The following TSR1 variants were observed in gnomAD, a reference collection of about 807,000 sequenced individuals.
TSR1 encodes the protein pre-rRNA-processing protein TSR1 homolog.
In TSR1, 81 loss-of-function variants were observed where a neutral mutation model predicts 90.9. That is an observed-to-expected ratio of 0.89 (90% CI 0.74 to 1.07). The LOEUF is 1.07. Among genes scored for constraint, TSR1 ranks in the 50% least tolerant of loss-of-function variants. The probability of loss-of-function intolerance (pLI) is 0.00; values close to 1 mark genes in which losing one functional copy is unlikely to be tolerated. For synonymous variants in TSR1, 362 were observed against 348.8 expected (o/e 1.04, Z -0.42); for missense variants, 989 against 987.3 (o/e 1.00, Z -0.02).
rs779742694 is a variant in TSR1, at chr17:2,333,128, T to G, written c.1142-4A>C. 30 of 1,613,074 alleles carry G rather than the reference T, an allele frequency of 1.9e-5. No homozygotes were observed. In the East Asian group the frequency reaches 6.7e-4, roughly 36 times the overall value. On this transcript the variant is annotated splice_region_variant and splice_polypyrimidine_tract_variant and intron_variant, in intron 6 of 14. Coordinates refer to ENST00000301364, the MANE Select transcript of TSR1 (RefSeq NM_018128.5). ...TTAGAACTTTCCTTCAAGAAATCTG[T>G]AAAAGCCCAAACAAATTAAGTAAAT...
At position 2,330,525 on chromosome 17, in the gene TSR1, T is replaced by A; in HGVS notation, c.1760A>T (p.His587Leu). The A allele has an allele frequency of 6.2e-7, 1 of 1,612,828 alleles. No individual in the cohort carries two copies. The highest frequency in any genetic ancestry group is 1.3e-5 in the African/African-American group (1 of 74,922). ...AAGACAGCAATTTACCTTCTGTTCA[T>A]GAGGTAGTAAAGAAAATGCAATCAA... ...TPLIAFSLLP[H>L]EQKMSVLNMV... The change falls in exon 10 of 15, where the codon CAT (histidine) becomes CTT (leucine). Residue 587 changes from histidine to leucine, a missense_variant. His to Leu is a moderately conservative substitution (Grantham distance 99, BLOSUM62 -3). Transcript: ENST00000301364.
At chr17:2,330,854 A>G in intron 9 of TSR1, 93 bp downstream of exon 9, 1 of 1,430,644 alleles carries the variant, frequency 7.0e-7, no homozygotes, top group South Asian at 1.4e-5. Flanking sequence ...TAATCCCCAA[A>G]TGCAGCATAT....
At chr17:2,331,194 AG>A in intron 8 of TSR1, 85 bp from the exon 9 acceptor site, 2 of 1,195,882 alleles carry the variant, frequency 1.7e-6, no homozygotes, top group Non-Finnish European at 2.2e-6. Context: ...ATGGCTAAGG[AG>A]CTAGCTGAAA....
intron 11 of TSR1, among the ~76,000 whole-genome samples, chr17:2,328,138 G>A (rs1204346741): frequency 6.6e-6 from 1 of 151,056 alleles, no homozygotes; most frequent in African/African-American, 2.4e-5. Context: ...AGCTACTCGG[G>A]AAGCTGAGGC....
chr17:2,335,763 G>T (rs778211404), intron 2 of TSR1, 33 bp from the exon 3 acceptor site: 20 of 1,598,440 alleles, frequency 1.3e-5, no homozygotes, highest in Non-Finnish European at 1.7e-5. Flanking sequence ...GAACATCTCA[G>T]TGTCTCAGTA....
chr17:2,322,952 A>T lies in TSR1; in HGVS notation c.*1244T>A. The T allele has an allele frequency of 1.7e-6, 1 of 585,194 alleles. No individual in the cohort carries two copies. Among genetic ancestry groups the T allele is most frequent in the Non-Finnish European group, 3.0e-6 (1 of 329,972 alleles). 36.3% of individuals were successfully genotyped at this position (585,194 alleles called of 1,614,324 possible). The stretch of plus-strand genomic sequence containing the variant: ...GCTGATTTTCCTATTTTTAGTTGAC[A>T]CTGCATTTCACCAGGTTGGCCAGGC... On this transcript the variant is annotated 3_prime_UTR_variant, in exon 15 of 15. Coordinates refer to ENST00000301364, the MANE Select transcript of TSR1 (RefSeq NM_018128.5).
chr17:2,323,299 G>GCTGA lies in TSR1; in HGVS notation c.*896_*897insTCAG. On this transcript the variant is annotated 3_prime_UTR_variant, in exon 15 of 15. Coordinates refer to ENST00000301364, the MANE Select transcript of TSR1 (RefSeq NM_018128.5). ...GGCTTGAACACCTGGCCTATTATCA[G>GCTGA]GGACCTTGTGGATGATATCTTCACT... 2 of 1,614,052 alleles carry GCTGA rather than the reference G, an allele frequency of 1.2e-6. No individual in the cohort carries two copies. The highest frequency in any genetic ancestry group is 2.2e-5 in the South Asian group (2 of 91,078).
At chr17:2,331,837 A>G (rs1024940808) in intron 8 of TSR1, among the ~76,000 whole-genome samples, 2 of 152,102 alleles carry the variant, frequency 1.3e-5, no homozygotes, top group Admixed American at 6.5e-5. Context: ...TCACTCTTCT[A>G]CTTCTGCTAT....
In TSR1 at chr17:2,335,746, T is replaced by C. The variant is rs1206823117; in HGVS notation, c.202-16A>G. ...CTGCCAGAACCTGAAAATAGAAAGA[T>C]ATCCGAGAACATCTCAGTGTCTCAG... On this transcript the variant is annotated splice_polypyrimidine_tract_variant and intron_variant, in intron 2 of 14. Coordinates refer to ENST00000301364, the MANE Select transcript of TSR1 (RefSeq NM_018128.5). 1 of 1,609,644 alleles carries C rather than the reference T, an allele frequency of 6.2e-7. No homozygotes were observed. Among genetic ancestry groups the C allele is most frequent in the South Asian group, 1.1e-5 (1 of 90,866 alleles).
chr17:2,329,509 T>G (rs1242898216), intron 10 of TSR1, 34 bp from the exon 11 acceptor site: 4 of 1,612,012 alleles, frequency 2.5e-6, no homozygotes, highest in Non-Finnish European at 3.4e-6. Flanking sequence ...AAAATCTTCA[T>G]AGTCTAGGAA....
In TSR1 at chr17:2,333,140, CAA is replaced by C; in HGVS notation, c.1142-18_1142-17del. 6.2e-7 allele frequency: 1 copy of C among 1,612,524 alleles called. No homozygotes were observed. The highest frequency in any genetic ancestry group is 1.1e-5 in the South Asian group (1 of 90,930). ...TTCAAGAAATCTGTAAAAGCCCAAA[CAA>C]ATTAAGTAAATTACAGACTTCTTTT... On this transcript the variant is annotated splice_polypyrimidine_tract_variant and intron_variant, in intron 6 of 14. Transcript: ENST00000301364.
chr17:2,336,045 T>C lies in TSR1; in HGVS notation c.193A>G (p.Lys65Glu), dbSNP rs372344590. 2.7e-5 allele frequency: 44 copies of C among 1,614,138 alleles called. No individual in the cohort carries two copies. The highest frequency in any genetic ancestry group is 3.6e-5 in the Non-Finnish European group (42 of 1,180,010). The change falls in exon 2 of 15, where the codon AAG becomes GAG. Residue 65 changes from lysine to glutamate, a missense_variant. By Grantham distance (56) the Lys-to-Glu change is moderately conservative. Coordinates refer to ENST00000301364, the MANE Select transcript of TSR1 (RefSeq NM_018128.5). Reference sequence around the variant, plus strand: ...AATCCCGCTCCTCTCACCGCCTCCTTCTTCTGCTTTCGGAGCTGGCTGGCG... The same window carrying C: ...AATCCCGCTCCTCTCACCGCCTCCTCCTTCTGCTTTCGGAGCTGGCTGGCG... ...HRASQLRKQK[K>E]EAVLAEKRQL...
Position 2,324,500 on chromosome 17 carries a change from T to C in TSR1, c.2236+4A>G, listed in dbSNP as rs1271687161. 1 of 1,614,236 alleles carries C rather than the reference T, an allele frequency of 6.2e-7. No homozygotes were observed. Among genetic ancestry groups the C allele is most frequent in the Admixed American group, 1.7e-5 (1 of 60,026 alleles). ...ACATGGTCTCAAATCCCGTGTTTCCTTACCTAAAGGTTCCTTGATATGTCC... is the reference window on the plus strand; with the variant it reads ...ACATGGTCTCAAATCCCGTGTTTCCCTACCTAAAGGTTCCTTGATATGTCC... On this transcript the variant is annotated splice_donor_region_variant and intron_variant, in intron 14 of 14. Coordinates refer to ENST00000301364, the MANE Select transcript of TSR1 (RefSeq NM_018128.5).
chr17:2,332,455 C>G (rs1005240218), intron 7 of TSR1, 96 bp from the exon 8 acceptor site: 3 of 1,033,980 alleles, frequency 2.9e-6, no homozygotes, highest in African/African-American at 3.2e-5. Flanking sequence ...TACTAGATCC[C>G]TATTCCCAAC....
rs2064032685 is a variant in TSR1, at chr17:2,334,591, A to AC, written c.861dup (p.Leu288ValfsTer9). 1 of 1,614,024 alleles carries AC rather than the reference A, an allele frequency of 6.2e-7. No individual in the cohort carries two copies. Among genetic ancestry groups the AC allele is most frequent in the Non-Finnish European group, 8.5e-7 (1 of 1,180,042 alleles). ...TCACCATATCCAACGATATGCAGCA[A>AC]CCTATTGACATTCAGAGTCTGCCCT... On this transcript the variant is annotated frameshift_variant, in exon 5 of 15. Coordinates refer to ENST00000301364, the MANE Select transcript of TSR1 (RefSeq NM_018128.5). LOFTEE classifies it high-confidence loss of function.
chr17:2,330,811 G>T, intron 9 of TSR1, 136 bp downstream of exon 9: 1 of 1,048,574 alleles, frequency 9.5e-7, no homozygotes, highest in Non-Finnish European at 1.4e-6. Context: ...TTTGTTCCCA[G>T]TATCATTCTA....
rs769126111 is a variant in TSR1, at chr17:2,332,240, A to G, written c.1425T>C (p.Tyr475=). The G allele has an allele frequency of 6.2e-7, 1 of 1,614,042 alleles. No individual in the cohort carries two copies. The highest frequency in any genetic ancestry group is 1.1e-5 in the South Asian group (1 of 91,070). ...EEAEAKMLEK[Y]KQERLEEMFP... ...ACATCTCTTCCAGTCTTTCTTGTTTATATTTCTCCAACATTTTTGCCTCAG... is the reference window on the plus strand; with the variant it reads ...ACATCTCTTCCAGTCTTTCTTGTTTGTATTTCTCCAACATTTTTGCCTCAG... The change falls in exon 8 of 15, where the codon TAT becomes TAC. Residue 475 remains tyrosine, a synonymous_variant. Coordinates refer to ENST00000301364, the MANE Select transcript of TSR1 (RefSeq NM_018128.5).
rs770219560 is a variant in TSR1, at chr17:2,335,538, G to A, written c.394C>T (p.Arg132Trp). ...GGCCTTGCTGAGGTGAAAAACCACC[G>A]ATGTTTCAAGCGGGGGCACAGCAGC... ...FMLLCPRLKH[R>W]WFFTSARPGD... is the part of the protein sequence containing the mutation. The change falls in exon 3 of 15, where the codon CGG (arginine) becomes TGG (tryptophan). Residue 132 changes from arginine to tryptophan, a missense_variant. By Grantham distance (101) the Arg-to-Trp change is moderately radical (BLOSUM62 -3). Coordinates refer to ENST00000301364, the MANE Select transcript of TSR1 (RefSeq NM_018128.5). The A allele has an allele frequency of 1.2e-5, 20 of 1,613,802 alleles. No individual in the cohort carries two copies. Among genetic ancestry groups the A allele is most frequent in the East Asian group, 2.2e-5 (1 of 44,860 alleles).
At position 2,324,202 on chromosome 17, in the gene TSR1, C is replaced by T; in HGVS notation, c.2409G>A (p.Met803Ile). ...EISSTVPQGG[M>I]E Reference sequence around the variant, plus strand: ...CAGAATCTCTTTGAATCCATTACTCCATGCCCCCTTGAGGCACTGTTGAAG... The same window carrying T: ...CAGAATCTCTTTGAATCCATTACTCTATGCCCCCTTGAGGCACTGTTGAAG... The change falls in exon 15 of 15, where the codon ATG becomes ATA. Residue 803 changes from methionine (M) to isoleucine (I), a missense_variant. Met to Ile is a conservative substitution (Grantham distance 10). Coordinates refer to ENST00000301364, the MANE Select transcript of TSR1 (RefSeq NM_018128.5). The T allele has an allele frequency of 1.3e-6, 2 of 1,520,444 alleles. No homozygotes were observed. The highest frequency in any genetic ancestry group is 8.8e-7 in the Non-Finnish European group (1 of 1,138,914). 94.2% of individuals were successfully genotyped at this position (1,520,444 alleles called of 1,614,324 possible). A position where few individuals can be genotyped will look rare whatever the true frequency, so the allele number is the denominator to read the frequency against.
Sources: allele counts gnomAD v4.1 joint callset (sites outside exome capture counted in the v4.1 genomes callset), GRCh38; gene constraint gnomAD v4.1.1; transcripts MANE v1.5; gene names NCBI Gene and HGNC (gene_info 2026-07-23, HGNC 2026-07-21).